The following ST3GAL3 variants were observed in gnomAD, a reference collection of about 807,000 sequenced individuals.
ST3GAL3 encodes CMP-N-acetylneuraminate-beta-1,4-galactoside alpha-2,3-sialyltransferase.
Under a neutral mutation model 50.1 loss-of-function variants are expected in ST3GAL3, and 21 were observed. The observed-to-expected ratio is 0.42, with a 90% CI of 0.30 to 0.60. The LOEUF is 0.60. ST3GAL3 is among the 20% of genes least tolerant of loss of function. The probability of loss-of-function intolerance (pLI) is 0.19; values close to 1 mark genes in which losing one functional copy is unlikely to be tolerated. For synonymous variants in ST3GAL3, 183 were observed against 190.0 expected (o/e 0.96, Z 0.30); for missense variants, 353 against 489.4 (o/e 0.72, Z 2.63).
intron 5 of ST3GAL3, among the ~76,000 whole-genome samples, chr1:43,868,781 T>A (rs1248413423): frequency 6.6e-6 from 1 of 152,142 alleles, no homozygotes; most frequent in East Asian, 1.9e-4. Flanking sequence ...GGGTTATTTT[T>A]AACTGTGTTG....
intron 3 of ST3GAL3, among the ~76,000 whole-genome samples, chr1:43,806,585 AG>A (rs1427923488): frequency 6.6e-6 from 1 of 152,234 alleles, no homozygotes; most frequent in East Asian, 1.9e-4. Context: ...GAACAGGCAA[AG>A]ATAAGTCTGA....
intron 11 of ST3GAL3, 31 bp from the exon 12 acceptor site, chr1:43,930,101 G>C (rs760694435): frequency 6.2e-7 from 1 of 1,605,450 alleles, no homozygotes; most frequent in Non-Finnish European, 8.5e-7. Context: ...TTGAGCAAAG[G>C]CCCAACTGAT....
At chr1:43,804,280 C>G (rs2059635780) in intron 3 of ST3GAL3, among the ~76,000 whole-genome samples, 1 of 152,174 alleles carries the variant, frequency 6.6e-6, no homozygotes, top group Admixed American at 6.5e-5. Context: ...TTGCCCAACC[C>G]CAGCAGTAGA....
At chr1:43,782,877 T>C (rs1486790360) in intron 2 of ST3GAL3, among the ~76,000 whole-genome samples, 1 of 152,232 alleles carries the variant, frequency 6.6e-6, no homozygotes, top group Admixed American at 6.5e-5. Context: ...TGAAATGGTA[T>C]GAATGTATTT....
intron 7 of ST3GAL3, 101 bp downstream of exon 7, chr1:43,898,399 G>A: frequency 1.7e-6 from 2 of 1,208,268 alleles, no homozygotes; most frequent in Non-Finnish European, 2.4e-6. Flanking sequence ...AGTTTCTCCA[G>A]CACATCCACA....
intron 2 of ST3GAL3, chr1:43,743,605 A>G (rs1369984873): frequency 6.1e-6 from 2 of 327,008 alleles, no homozygotes; most frequent in African/African-American, 2.2e-5. Context: ...GAGGCAGATC[A>G]GATTCCCATT....
At chr1:43,744,348 C>G (rs1351198868) in intron 2 of ST3GAL3, among the ~76,000 whole-genome samples, 1 of 151,908 alleles carries the variant, frequency 6.6e-6, no homozygotes, top group Non-Finnish European at 1.5e-5. Flanking sequence ...CTCCTGGGTT[C>G]AAGCGATTCT....
intron 5 of ST3GAL3, chr1:43,851,694 G>A (rs755711985): frequency 1.5e-5 from 20 of 1,321,118 alleles, no homozygotes; most frequent in Non-Finnish European, 1.8e-5. Flanking sequence ...GAGGACCACA[G>A]GTCAGCATCC....
chr1:43,831,374 GACTT>G (rs1262280993), intron 4 of ST3GAL3, among the ~76,000 whole-genome samples: 1 of 152,148 alleles, frequency 6.6e-6, no homozygotes, highest in African/African-American at 2.4e-5. Context: ...ATGATATATT[GACTT>G]ACTAAGGATT....
At chr1:43,743,452 G>A (rs1393274210) in intron 2 of ST3GAL3, 2 of 365,716 alleles carry the variant, frequency 5.5e-6, no homozygotes, top group South Asian at 4.4e-5. Flanking sequence ...AATGCCAAGA[G>A]AGGTGTCAAC....
chr1:43,819,106 C>T (rs37462), intron 4 of ST3GAL3: 137,377 of 152,180 alleles, frequency 0.9, 62,240 homozygotes, highest in African/African-American at 0.96. Flanking sequence ...TATATGTATT[C>T]TTTTTAGACG....
rs186829991 is a variant in ST3GAL3 at position 43,790,932 on chromosome 1, G to A, written c.119-1170G>A. On this transcript the variant is annotated intron_variant, in intron 2 of 11. Coordinates refer to ENST00000347631, the MANE Select transcript of ST3GAL3 (RefSeq NM_006279.5). Reference sequence around the variant, plus strand: ...ATTACAGGCATGAGCCACTGCACCCGGCCGGCATCTCTTTTTCTAAGGCCC... The same window carrying A: ...ATTACAGGCATGAGCCACTGCACCCAGCCGGCATCTCTTTTTCTAAGGCCC... Among the ~76,000 whole-genome samples the A allele has an allele frequency of 1.1e-3, 165 of 152,044 alleles. 2 individuals carry two copies. The highest frequency in any genetic ancestry group is 3.7e-3 in the African/African-American group (155 of 41,452).
At chr1:43,777,864 G>A (rs765706751) in intron 2 of ST3GAL3, among the ~76,000 whole-genome samples, 3 of 152,140 alleles carry the variant, frequency 2.0e-5, no homozygotes, top group Non-Finnish European at 4.4e-5. Flanking sequence ...GTGGAAGACA[G>A]TGTGGCAATT....
intron 9 of ST3GAL3, among the ~76,000 whole-genome samples, chr1:43,901,476 A>C (rs1340268265): frequency 6.6e-6 from 1 of 152,254 alleles, no homozygotes; most frequent in Non-Finnish European, 1.5e-5. Flanking sequence ...GTTCCTTCCA[A>C]GAACACCAAT....
intron 1 of ST3GAL3, among the ~76,000 whole-genome samples, chr1:43,733,566 C>T (rs1186442234): frequency 6.6e-6 from 1 of 152,124 alleles, no homozygotes; most frequent in Non-Finnish European, 1.5e-5. Context: ...TTCCATTGAC[C>T]TGTTTTTTCC....
intron 9 of ST3GAL3, among the ~76,000 whole-genome samples, chr1:43,910,608 G>A (rs921941695): frequency 2.6e-5 from 4 of 152,360 alleles, no homozygotes; most frequent in African/African-American, 9.6e-5. Flanking sequence ...AGGATAAGGA[G>A]TGAGAGTGTT....
chr1:43,850,178 C>A (rs1283559711), intron 5 of ST3GAL3: 2 of 236,724 alleles, frequency 8.4e-6, no homozygotes, highest in African/African-American at 2.3e-5. Flanking sequence ...AAAGAAAACC[C>A]CTCAAAGGAA....
At position 43,920,785 on chromosome 1, in the gene ST3GAL3, A is replaced by G; in HGVS notation, c.895A>G (p.Ile299Val). ...CACCCCTGCCCCCGTCTTCTAGAACATCCCTACCCTTGGCAGTGTGGCAGT... is the reference window on the plus strand; with the variant it reads ...CACCCCTGCCCCCGTCTTCTAGAACGTCCCTACCCTTGGCAGTGTGGCAGT... ...FNNGLMGRGN[I>V]PTLGSVAVTM... The change falls in exon 11 of 12, where the codon ATC (isoleucine) becomes GTC (valine). Residue 299 changes from isoleucine to valine, a missense_variant. Coordinates refer to ENST00000347631, the MANE Select transcript of ST3GAL3 (RefSeq NM_006279.5). 2 of 1,614,064 alleles carry G rather than the reference A, an allele frequency of 1.2e-6. No homozygotes were observed. Among genetic ancestry groups the G allele is most frequent in the Middle Eastern group, 1.6e-4 (1 of 6,062 alleles).
chr1:43,914,410 T>C (rs2081440210), intron 9 of ST3GAL3: 2 of 152,136 alleles, frequency 1.3e-5, no homozygotes, highest in Non-Finnish European at 2.9e-5. Context: ...GTCTCCTTTA[T>C]CTTTGACCCC....
Sources: gnomAD v4.1 joint callset for allele counts (sites outside exome capture counted in the v4.1 genomes callset) on GRCh38, gnomAD v4.1.1 for gene constraint, MANE v1.5 for transcripts, NCBI Gene and HGNC (gene_info 2026-07-23, HGNC 2026-07-21) for gene names.